Variants in NANOS3 observed in about 807,000 individuals in gnomAD.
NANOS3 encodes the protein nanos homolog 3.
Under a neutral mutation model 13.8 loss-of-function variants are expected in NANOS3, and 11 were observed. The observed-to-expected ratio is 0.80, with a 90% CI of 0.50 to 1.32. NANOS3 has a LOEUF of 1.32. Ranked by LOEUF, NANOS3 falls within the 40% of genes most tolerant of loss-of-function variation. The probability of loss-of-function intolerance (pLI) is 0.00; values close to 1 mark genes in which losing one functional copy is unlikely to be tolerated. For missense variants in NANOS3, 221 were observed against 263.8 expected (o/e 0.84, Z 1.12); for synonymous variants, 119 against 115.4 (o/e 1.03, Z -0.20).
intron 1 of NANOS3, among the ~76,000 whole-genome samples, chr19:13,879,830 G>A (rs200229170): frequency 6.6e-6 from 1 of 152,036 alleles, no homozygotes; most frequent in Admixed American, 6.6e-5. Flanking sequence ...TTCAAGACCA[G>A]CCTGGCCAAC....
At chr19:13,872,068 G>A (rs1345962109) in intron 1 of NANOS3, among the ~76,000 whole-genome samples, 2 of 150,904 alleles carry the variant, frequency 1.3e-5, no homozygotes, top group Admixed American at 6.6e-5. Context: ...TTAAAGAAAC[G>A]GGGTTTTAAA....
chr19:13,880,539 C>T lies in NANOS3; in HGVS notation c.*36C>T, dbSNP rs369401036. Reference sequence around the variant, plus strand: ...ACACCTGGGCAAGGGCACCCGGGCTCGGCTGGATTTCCAGGAAGACCCACC... The same window carrying T: ...ACACCTGGGCAAGGGCACCCGGGCTTGGCTGGATTTCCAGGAAGACCCACC... On this transcript the variant is annotated 3_prime_UTR_variant, in exon 2 of 2. Coordinates refer to ENST00000339133, the MANE Select transcript of NANOS3 (RefSeq NM_001098622.3). 49 of 1,598,904 alleles carry T rather than the reference C, an allele frequency of 3.1e-5. No homozygotes were observed. Among genetic ancestry groups the T allele is most frequent in the Admixed American group, 1.2e-4 (7 of 59,710 alleles).
chr19:13,876,416 T>C (rs1968513446), upstream of NANOS3, among the ~76,000 whole-genome samples: 1 of 152,110 alleles, frequency 6.6e-6, no homozygotes, highest in South Asian at 2.1e-4. Context: ...TGTCTTGGCC[T>C]CCCAAACTGT....
upstream of NANOS3, among the ~76,000 whole-genome samples, chr19:13,875,220 T>C (rs113693526): frequency 1.1e-4 from 17 of 150,590 alleles, no homozygotes; most frequent in African/African-American, 4.2e-4. Context: ...AGAGTCTCAC[T>C]CTGTTGCCTA....
At chr19:13,863,957 G>A (rs1976193528), upstream of NANOS3, among the ~76,000 whole-genome samples, 1 of 152,088 alleles carries the variant, frequency 6.6e-6, no homozygotes, top group Non-Finnish European at 1.5e-5. Context: ...TAAGGGTTAA[G>A]GTCTGGGCTT....
At chr19:13,863,099 G>A (rs920960716), upstream of NANOS3, among the ~76,000 whole-genome samples, 14 of 152,210 alleles carry the variant, frequency 9.2e-5, no homozygotes, top group East Asian at 2.1e-3. Context: ...GCTCATACAC[G>A]TCTATGAGTG....
chr19:13,867,720 C>T (rs185957772), intron 1 of NANOS3, among the ~76,000 whole-genome samples: 95 of 152,198 alleles, frequency 6.2e-4, no homozygotes, highest in African/African-American at 2.2e-3. Context: ...GATATACACA[C>T]ACATACAGAC....
At chr19:13,877,821 T>A in intron 1 of NANOS3, 56 bp downstream of exon 1, 1 of 1,503,040 alleles carries the variant, frequency 6.7e-7, no homozygotes, top group Non-Finnish European at 8.9e-7. Context: ...TGAGCCCCCC[T>A]GTGAAGTAAG....
rs1281377663 is a variant in NANOS3, at chr19:13,879,810, A to C, written c.518-632A>C. Among the ~76,000 whole-genome samples, 3 of 151,988 alleles carry C rather than the reference A, an allele frequency of 2.0e-5. No homozygotes were observed. In the East Asian group the frequency reaches 5.8e-4, roughly 29 times the overall value. On this transcript the variant is annotated intron_variant, in intron 1 of 1. Coordinates refer to ENST00000339133, the MANE Select transcript of NANOS3 (RefSeq NM_001098622.3). Reference sequence around the variant, plus strand: ...GAAGCTGAGGCAGGTGGATCACCTGAGGTCAGGAATTCAAGACCAGCCTGG... The same window carrying C: ...GAAGCTGAGGCAGGTGGATCACCTGCGGTCAGGAATTCAAGACCAGCCTGG...
chr19:13,874,381 A>G (rs60698372), upstream of NANOS3, among the ~76,000 whole-genome samples: 470 of 152,316 alleles, frequency 3.1e-3, 6 homozygotes, highest in African/African-American at 0.011. Context: ...TCGGACTAGC[A>G]GTGGCCTTTG....
upstream of NANOS3, among the ~76,000 whole-genome samples, chr19:13,865,163 G>A (rs1232507884): frequency 6.6e-6 from 1 of 151,300 alleles, no homozygotes; most frequent in Non-Finnish European, 1.5e-5. Context: ...CCCACCGCCC[G>A]GCGCGGCGCG....
chr19:13,863,143 C>G (rs1289813873), upstream of NANOS3, among the ~76,000 whole-genome samples: 1 of 152,158 alleles, frequency 6.6e-6, no homozygotes, highest in Non-Finnish European at 1.5e-5. Flanking sequence ...GTGAATGTTG[C>G]ATATTCCAAA....
At chr19:13,863,541 A>C (rs1221297232), upstream of NANOS3, among the ~76,000 whole-genome samples, 1 of 152,026 alleles carries the variant, frequency 6.6e-6, no homozygotes, top group Non-Finnish European at 1.5e-5. Flanking sequence ...TTCTGTAAGA[A>C]GGGCTGGCCG....
intron 1 of NANOS3, among the ~76,000 whole-genome samples, chr19:13,869,697 TTGTC>T (rs146664947): frequency 1.3e-5 from 2 of 150,832 alleles, no homozygotes; most frequent in African/African-American, 4.9e-5. Flanking sequence ...AATGGGCTCT[TTGTC>T]TGCCAGGTCC....
intron 1 of NANOS3, among the ~76,000 whole-genome samples, chr19:13,871,444 TG>T (rs930781692): frequency 1.4e-4 from 22 of 152,322 alleles, no homozygotes; most frequent in African/African-American, 5.3e-4. Flanking sequence ...GACCCAGGAT[TG>T]GGGCTGCCGG....
chr19:13,880,334 G>C, intron 1 of NANOS3, 108 bp from the exon 2 acceptor site: 1 of 1,010,544 alleles, frequency 9.9e-7, no homozygotes, highest in South Asian at 1.4e-5. Flanking sequence ...AGCAGCCCCT[G>C]GGTGGCGCCA....
upstream of NANOS3, among the ~76,000 whole-genome samples, chr19:13,864,085 T>C (rs1204390805): frequency 8.6e-5 from 13 of 151,948 alleles, no homozygotes; most frequent in Admixed American, 8.5e-4. Flanking sequence ...CCTGGCGCCA[T>C]GGTTTGCCCT....
rs1968620914 is a variant in NANOS3 at position 13,880,678 on chromosome 19, C to T, written c.*175C>T. On this transcript the variant is annotated 3_prime_UTR_variant, in exon 2 of 2. Transcript: ENST00000339133. ...AATCGCCCTGTCCTTGGGGACCCCA[C>T]CCTTTGTGCCATCTGCCGTTTCCCT... 3 of 602,676 alleles carry T rather than the reference C, an allele frequency of 5.0e-6. No homozygotes were observed. Among genetic ancestry groups the T allele is most frequent in the South Asian group, 4.0e-5 (2 of 49,498 alleles). 37.3% of individuals were successfully genotyped at this position (602,676 alleles called of 1,614,324 possible).
chr19:13,880,251 C>T (rs967985974), intron 1 of NANOS3, among the ~76,000 whole-genome samples, 191 bp from the exon 2 acceptor site: 4 of 152,120 alleles, frequency 2.6e-5, no homozygotes, highest in African/African-American at 9.7e-5. Context: ...AACTCCTGTG[C>T]TTTGTCTCGG....
Sources: gnomAD v4.1 joint callset for allele counts (sites outside exome capture counted in the v4.1 genomes callset) on GRCh38, gnomAD v4.1.1 for gene constraint, MANE v1.5 for transcripts, NCBI Gene and HGNC (gene_info 2026-07-23, HGNC 2026-07-21) for gene names.